MRPL1: variants seen among roughly 807,000 people sequenced by gnomAD.
MRPL1 encodes the protein large ribosomal subunit protein uL1m.
MRPL1 carries 28 observed loss-of-function variants against 38.0 expected under a neutral mutation model. That is an observed-to-expected ratio of 0.74 (90% CI 0.55 to 1.01). The LOEUF is 1.01. Ranked by LOEUF, MRPL1 falls within the 50% of genes least tolerant of loss-of-function variation. The probability of loss-of-function intolerance (pLI) is 0.00; values close to 1 mark genes in which losing one functional copy is unlikely to be tolerated. For synonymous variants in MRPL1, 123 were observed against 126.7 expected (o/e 0.97, Z 0.20); for missense variants, 358 against 389.8 (o/e 0.92, Z 0.69).
intron 1 of MRPL1, among the ~76,000 whole-genome samples, chr4:77,870,531 ATG>A (rs1393062394): frequency 6.6e-6 from 1 of 152,212 alleles, no homozygotes; most frequent in Non-Finnish European, 1.5e-5. Context: ...TCTCATGTAT[ATG>A]TGTGTGTATG....
intron 7 of MRPL1, among the ~76,000 whole-genome samples, chr4:77,941,190 G>T (rs924139752): frequency 2.0e-5 from 3 of 151,898 alleles, no homozygotes; most frequent in African/African-American, 7.3e-5. Context: ...ACTTGAACCC[G>T]GGAGGCAGTG....
intron 2 of MRPL1, among the ~76,000 whole-genome samples, chr4:77,876,831 G>A (rs542032683): frequency 1.3e-5 from 2 of 152,216 alleles, no homozygotes; most frequent in South Asian, 4.1e-4. Context: ...TTTTTAAAAA[G>A]GCCATTAGGT....
chr4:77,882,037 A>G (rs573138650), intron 2 of MRPL1, among the ~76,000 whole-genome samples: 3 of 152,206 alleles, frequency 2.0e-5, no homozygotes, highest in African/African-American at 7.2e-5. Context: ...TTACCGTTTT[A>G]GTTCAGAAGT....
chr4:77,951,495 C>G (rs1298822943), intron 8 of MRPL1, among the ~76,000 whole-genome samples: 4 of 152,208 alleles, frequency 2.6e-5, no homozygotes, highest in Non-Finnish European at 5.9e-5. Flanking sequence ...AAACTATCTT[C>G]CCCTTCTTAT....
intron 7 of MRPL1, among the ~76,000 whole-genome samples, chr4:77,910,567 C>T (rs981784063): frequency 1.3e-5 from 2 of 152,086 alleles, no homozygotes; most frequent in African/African-American, 4.8e-5. Flanking sequence ...ACCAAGGTTG[C>T]AGAGTGAGAC....
At position 77,880,898 on chromosome 4, in the gene MRPL1, A is replaced by C. The variant is rs79228096; in HGVS notation, c.144-2344A>C. On this transcript the variant is annotated intron_variant, in intron 2 of 8. Transcript: ENST00000315567. ...ATGACCTTGGCTGGACTTGTAGTGC[A>C]TCTGTAAGTTTGCAGGTAAGCTGAG... Among the ~76,000 whole-genome samples, 178 of 152,322 alleles carry C rather than the reference A, an allele frequency of 1.2e-3. 1 individual carries two copies. The highest frequency in any genetic ancestry group is 4.3e-3 in the African/African-American group (177 of 41,586).
At chr4:77,878,114 C>T (rs1402256158) in intron 2 of MRPL1, among the ~76,000 whole-genome samples, 9 of 152,194 alleles carry the variant, frequency 5.9e-5, no homozygotes, top group Admixed American at 5.9e-4. Context: ...TGCTCTGGCG[C>T]AAGGGAGACT....
intron 7 of MRPL1, among the ~76,000 whole-genome samples, chr4:77,946,486 G>C (rs1440639487): frequency 6.6e-6 from 1 of 152,110 alleles, no homozygotes; most frequent in African/African-American, 2.4e-5. Flanking sequence ...AAGTAAGACA[G>C]GCGTAAGAAA....
rs1735700770 is a variant in MRPL1, at chr4:77,887,291, G to A, written c.558G>A (p.Lys186=). 6.2e-7 allele frequency: 1 copy of A among 1,611,650 alleles called. No homozygotes were observed. The change falls in exon 5 of 9, where the codon AAG becomes AAA. Residue 186 remains lysine (K), a splice_region_variant and synonymous_variant. Coordinates refer to ENST00000315567, the MANE Select transcript of MRPL1 (RefSeq NM_020236.4). ...AFAGGTSLIQ[K]IWDDEIVADF... is the part of the protein sequence containing the mutation. ...CAGGAGGCACTAGTCTGATACAGAA[G>A]GTACAGTGTTGTTTTCATGTTCATT... is the stretch of plus-strand genomic sequence containing the variant.
chr4:77,917,708 C>G (rs7663359), intron 7 of MRPL1, among the ~76,000 whole-genome samples: 33,352 of 151,748 alleles, frequency 0.22, 4,425 homozygotes, highest in African/African-American at 0.36. Flanking sequence ...TTCTCGTAGG[C>G]GAGATAGATA....
chr4:77,866,018 A>G (rs958875674), intron 1 of MRPL1, among the ~76,000 whole-genome samples: 1 of 152,172 alleles, frequency 6.6e-6, no homozygotes, highest in Non-Finnish European at 1.5e-5. Flanking sequence ...TCAAATATAC[A>G]TTAGATTTTG....
Position 77,883,505 on chromosome 4 carries a change from G to A in MRPL1, c.402+5G>A, listed in dbSNP as rs368255076. On this transcript the variant is annotated splice_donor_5th_base_variant and intron_variant, in intron 3 of 8. Coordinates refer to ENST00000315567, the MANE Select transcript of MRPL1 (RefSeq NM_020236.4). Reference sequence around the variant, plus strand: ...GATATGGCACTGGGAAAGAAGGTATGTAGAGTCCATTAAAATAAGTTTACC... The same window carrying A: ...GATATGGCACTGGGAAAGAAGGTATATAGAGTCCATTAAAATAAGTTTACC... 3 of 1,588,134 alleles carry A rather than the reference G, an allele frequency of 1.9e-6. No homozygotes were observed. The highest frequency in any genetic ancestry group is 2.6e-6 in the Non-Finnish European group (3 of 1,168,994).
intron 2 of MRPL1, among the ~76,000 whole-genome samples, chr4:77,874,500 T>C (rs975346908): frequency 3.9e-5 from 6 of 152,188 alleles, no homozygotes; most frequent in African/African-American, 1.2e-4. Context: ...ATAATGAATA[T>C]GTTTGTAGCA....
intron 2 of MRPL1, among the ~76,000 whole-genome samples, chr4:77,878,288 T>C (rs1338455277): frequency 6.6e-6 from 1 of 152,258 alleles, no homozygotes. Flanking sequence ...ACAGAACTTC[T>C]GCATTTAGTT....
intron 6 of MRPL1, among the ~76,000 whole-genome samples, chr4:77,905,295 G>A (rs1275807554): frequency 1.3e-5 from 2 of 151,840 alleles, no homozygotes; most frequent in South Asian, 2.1e-4. Context: ...TCAGGAGTTC[G>A]AGACCAGCCT....
chr4:77,901,823 A>C (rs1647401878), intron 6 of MRPL1, among the ~76,000 whole-genome samples: 2 of 152,192 alleles, frequency 1.3e-5, no homozygotes, highest in African/African-American at 2.4e-5. Context: ...TAAGGATATA[A>C]AATATTTGAA....
chr4:77,903,085 C>T (rs552702511), intron 6 of MRPL1, among the ~76,000 whole-genome samples: 13 of 151,970 alleles, frequency 8.6e-5, no homozygotes, highest in African/African-American at 1.2e-4. Context: ...TGAGAATAGA[C>T]GCAAAAAATA....
chr4:77,870,890 GA>G (rs1318295951), intron 1 of MRPL1, among the ~76,000 whole-genome samples: 1 of 151,978 alleles, frequency 6.6e-6, no homozygotes, highest in African/African-American at 2.4e-5. Flanking sequence ...TACCTTCAAA[GA>G]CCTGTGTACC....
intron 2 of MRPL1, among the ~76,000 whole-genome samples, chr4:77,878,798 G>C (rs990611275): frequency 2.0e-5 from 3 of 152,090 alleles, no homozygotes; most frequent in Middle Eastern, 3.2e-3. Flanking sequence ...AGAACCGCTT[G>C]AACCTGGGAG....
Sources: allele counts gnomAD v4.1 joint callset (sites outside exome capture counted in the v4.1 genomes callset), GRCh38; gene constraint gnomAD v4.1.1; transcripts MANE v1.5; gene names NCBI Gene and HGNC (gene_info 2026-07-23, HGNC 2026-07-21).